The following FOXP1 variants were observed in gnomAD, a reference collection of about 807,000 sequenced individuals.
FOXP1 encodes forkhead box P1, also known as forkhead box protein P1.
In FOXP1, 15 loss-of-function variants were observed where a neutral mutation model predicts 98.2. The ratio of observed to expected loss-of-function variants is 0.15; its 90% CI spans 0.10 to 0.24. The LOEUF is 0.24. Among genes scored for constraint, FOXP1 ranks in the 10% least tolerant of loss-of-function variants. FOXP1 has a pLI of 1.00. For synonymous variants in FOXP1, 371 were observed against 314.5 expected (o/e 1.18, Z -1.90); for missense variants, 633 against 848.5 (o/e 0.75, Z 3.15).
intron 5 of FOXP1, among the ~76,000 whole-genome samples, chr3:71,233,196 G>A (rs1483047146): frequency 6.8e-6 from 1 of 147,526 alleles, no homozygotes; most frequent in Non-Finnish European, 1.5e-5. Context: ...GAAATAGAAA[G>A]GTAAGAAAGG....
intron 5 of FOXP1, among the ~76,000 whole-genome samples, chr3:71,253,223 T>C (rs2068351843): frequency 6.6e-6 from 1 of 152,156 alleles, no homozygotes; most frequent in East Asian, 1.9e-4. Flanking sequence ...AAAGGCAGGT[T>C]GGTGTGTTGG....
intron 3 of FOXP1, among the ~76,000 whole-genome samples, chr3:71,367,530 G>A (rs1311582264): frequency 6.6e-6 from 1 of 152,144 alleles, no homozygotes; most frequent in South Asian, 2.1e-4. Context: ...CTGGAAGGAC[G>A]GCAGGGAGGG....
chr3:71,258,418 T>A (rs2068817775), intron 5 of FOXP1, among the ~76,000 whole-genome samples: 1 of 152,128 alleles, frequency 6.6e-6, no homozygotes, highest in Admixed American at 6.5e-5. Context: ...AAGGGCAGAA[T>A]AAGGGGTCTG....
rs755034770 is a variant in FOXP1 at position 71,047,090 on chromosome 3, C to T, written c.516G>A (p.Gln172=). 5 of 1,614,006 alleles carry T rather than the reference C, an allele frequency of 3.1e-6. No individual in the cohort carries two copies. The highest frequency in any genetic ancestry group is 4.2e-6 in the Non-Finnish European group (5 of 1,179,932). ...AAGCCAACTGCTGGGTAGCCACCTG[C>T]TGTTGCTGTAAGAAATCAGGAAGAA... ...QHAGKQPKEQ[Q]QVATQQLAFQ... is the part of the protein sequence containing the mutation. The change falls in exon 10 of 21, where the codon CAG becomes CAA. Residue 172 remains glutamine, a synonymous_variant. Coordinates refer to ENST00000649528, the MANE Select transcript of FOXP1 (RefSeq NM_001349338.3).
intron 13 of FOXP1, among the ~76,000 whole-genome samples, chr3:70,993,761 G>A (rs986512601): frequency 6.6e-6 from 1 of 152,172 alleles, no homozygotes; most frequent in Non-Finnish European, 1.5e-5. Flanking sequence ...CTGGGAGGCC[G>A]AGGCAGGCGG....
chr3:71,178,601 T>A (rs1043277161), intron 6 of FOXP1, among the ~76,000 whole-genome samples: 2 of 151,170 alleles, frequency 1.3e-5, no homozygotes, highest in Admixed American at 1.3e-4. Context: ...ATACAAAAAT[T>A]GGCCGGGTGC....
intron 5 of FOXP1, among the ~76,000 whole-genome samples, chr3:71,227,064 G>A (rs1349142160): frequency 2.0e-5 from 3 of 152,058 alleles, no homozygotes; most frequent in Admixed American, 6.5e-5. Context: ...AGGCTGGTGC[G>A]GTTCTAGCGA....
At chr3:71,138,342 TATC>T (rs1165587211) in intron 6 of FOXP1, among the ~76,000 whole-genome samples, 1 of 152,162 alleles carries the variant, frequency 6.6e-6, no homozygotes, top group Admixed American at 6.5e-5. Flanking sequence ...AATACATCAT[TATC>T]AAAAATGGAA....
At chr3:71,271,815 T>C (rs757347954) in intron 5 of FOXP1, among the ~76,000 whole-genome samples, 9 of 152,194 alleles carry the variant, frequency 5.9e-5, no homozygotes, top group Non-Finnish European at 1.0e-4. Flanking sequence ...ACCACTAATG[T>C]GCTTTCACTG....
intron 2 of FOXP1, among the ~76,000 whole-genome samples, chr3:71,549,343 T>C (rs1047326060): frequency 1.3e-5 from 2 of 152,218 alleles, no homozygotes; most frequent in African/African-American, 4.8e-5. Context: ...TAAAGGCACA[T>C]GTTTTTAGAC....
rs185842467 is a variant in FOXP1 at position 71,394,056 on chromosome 3, C to T, written c.-167-34812G>A. 4.1e-3 allele frequency among the ~76,000 whole-genome samples: 618 copies of T among 152,268 alleles called. 3 individuals carry two copies. The highest frequency in any genetic ancestry group is 0.014 in the African/African-American group (595 of 41,556). On this transcript the variant is annotated intron_variant, in intron 3 of 20. Coordinates refer to ENST00000649528, the MANE Select transcript of FOXP1 (RefSeq NM_001349338.3). Reference sequence around the variant, plus strand: ...GCAGAGCAAGAGTTTCTGAGAAGCACATGGAAACAAAAGCCAACTATGCCT... The same window carrying T: ...GCAGAGCAAGAGTTTCTGAGAAGCATATGGAAACAAAAGCCAACTATGCCT...
chr3:71,304,863 C>A (rs996677166), intron 4 of FOXP1: 1 of 152,174 alleles, frequency 6.6e-6, no homozygotes, highest in African/African-American at 2.4e-5. Context: ...ACAGCACACT[C>A]TTCTGTTGAA....
At chr3:71,424,436 C>G (rs2083937878) in intron 3 of FOXP1, among the ~76,000 whole-genome samples, 1 of 152,068 alleles carries the variant, frequency 6.6e-6, no homozygotes. Flanking sequence ...AGTGCTTTGC[C>G]CAGTGCCCAC....
At chr3:71,065,365 C>T (rs1021818897) in intron 7 of FOXP1, among the ~76,000 whole-genome samples, 1 of 152,166 alleles carries the variant, frequency 6.6e-6, no homozygotes, top group African/African-American at 2.4e-5. Context: ...GGGCACCCGG[C>T]GCTCGCGGCG....
intron 2 of FOXP1, among the ~76,000 whole-genome samples, chr3:71,505,016 T>C (rs1021749149): frequency 6.6e-6 from 1 of 152,158 alleles, no homozygotes; most frequent in African/African-American, 2.4e-5. Flanking sequence ...AGGGAAGTCC[T>C]TTACCCAAGA....
chr3:71,086,661 C>T lies in FOXP1; in HGVS notation c.282+25875G>A, dbSNP rs539592524. On this transcript the variant is annotated intron_variant, in intron 7 of 20. Transcript: ENST00000649528. The stretch of plus-strand genomic sequence containing the variant: ...ACTGAAATCCCAAGTTCTGTCTCAC[C>T]GGATATTTTCCAGGAATGCCTCTCT... Among the ~76,000 whole-genome samples, 7 of 152,272 alleles carry T rather than the reference C, an allele frequency of 4.6e-5. 1 individual carries two copies. In the South Asian group the frequency reaches 8.3e-4, roughly 18 times the overall value.
chr3:71,516,805 C>A (rs2042614937), intron 2 of FOXP1, among the ~76,000 whole-genome samples: 1 of 152,142 alleles, frequency 6.6e-6, no homozygotes, highest in Non-Finnish European at 1.5e-5. Context: ...GAGATCACAT[C>A]ACTGCACTCT....
At chr3:71,367,420 T>C (rs974626845) in intron 3 of FOXP1, among the ~76,000 whole-genome samples, 2 of 152,142 alleles carry the variant, frequency 1.3e-5, no homozygotes, top group East Asian at 1.9e-4. Context: ...ATTCCCGTGG[T>C]TTACAAGGTC....
chr3:71,034,889 G>A (rs1027625625), intron 11 of FOXP1, among the ~76,000 whole-genome samples: 1 of 152,154 alleles, frequency 6.6e-6, no homozygotes, highest in African/African-American at 2.4e-5. Context: ...TTTGAGGACT[G>A]AACCTGTCTG....
Sources: gnomAD v4.1 joint callset for allele counts (sites outside exome capture counted in the v4.1 genomes callset) on GRCh38, gnomAD v4.1.1 for gene constraint, MANE v1.5 for transcripts, NCBI Gene and HGNC (gene_info 2026-07-23, HGNC 2026-07-21) for gene names.